SLC6A12: variants seen among roughly 807,000 people sequenced by gnomAD.
The protein encoded by SLC6A12 is solute carrier family 6 member 12, also known as sodium- and chloride-dependent betaine transporter.
In SLC6A12, 50 loss-of-function variants were observed where a neutral mutation model predicts 73.3. That is an observed-to-expected ratio of 0.68 (90% CI 0.54 to 0.86). The LOEUF is 0.86. Ranked by LOEUF, SLC6A12 falls within the 40% of genes least tolerant of loss-of-function variation. The pLI, the probability that SLC6A12 is intolerant of heterozygous loss-of-function variation, is 0.00. For missense variants in SLC6A12, 648 were observed against 772.8 expected (o/e 0.84, Z 1.92); for synonymous variants, 304 against 309.2 (o/e 0.98, Z 0.18).
At chr12:199,096 A>G (rs1591789366) in intron 7 of SLC6A12, 165 bp from the exon 8 acceptor site, 3 of 372,128 alleles carry the variant, frequency 8.1e-6, no homozygotes, top group East Asian at 7.7e-5. Flanking sequence ...TACACATTCC[A>G]GTGGGTCTGT....
Position 192,613 on chromosome 12 carries a change from G to T in SLC6A12, c.1566C>A (p.Pro522=). The change falls in exon 15 of 16, where the codon CCC becomes CCA. Residue 522 remains proline (P), a synonymous_variant. Transcript: ENST00000684302. ...TFLFSLSKYT[P]LKYNNVYVYP... Reference sequence around the variant, plus strand: ...ACACATAGACGTTGTTGTACTTGAGGGGGGTGTACTTGCTCAAGGAGAAGA... The same window carrying T: ...ACACATAGACGTTGTTGTACTTGAGTGGGGTGTACTTGCTCAAGGAGAAGA... 6.2e-7 allele frequency: 1 copy of T among 1,614,136 alleles called. No homozygotes were observed. The highest frequency in any genetic ancestry group is 8.5e-7 in the Non-Finnish European group (1 of 1,180,012).
downstream of SLC6A12, among the ~76,000 whole-genome samples, chr12:188,619 C>T (rs1403600936): frequency 1.3e-5 from 2 of 152,216 alleles, no homozygotes; most frequent in African/African-American, 4.8e-5. Flanking sequence ...GCTGTCACCT[C>T]TCAAAAGCAA....
At chr12:188,147 A>G (rs1939469568), downstream of SLC6A12, among the ~76,000 whole-genome samples, 1 of 152,124 alleles carries the variant, frequency 6.6e-6, no homozygotes. Flanking sequence ...GGTCGATGGG[A>G]CTGGGTGCCC....
intron 11 of SLC6A12, 135 bp downstream of exon 11, chr12:196,635 G>A (rs888866389): frequency 1.4e-6 from 1 of 696,480 alleles, no homozygotes; most frequent in Non-Finnish European, 2.5e-6. Context: ...CAACCCCAAG[G>A]AAAAGCCCTG....
chr12:185,813 C>T (rs1939420599), downstream of SLC6A12, among the ~76,000 whole-genome samples: 1 of 152,234 alleles, frequency 6.6e-6, no homozygotes. Context: ...GGCACTGACC[C>T]ACCTCAACCC....
intron 7 of SLC6A12, among the ~76,000 whole-genome samples, chr12:200,236 A>AG (rs1940157178): frequency 1.4e-5 from 2 of 147,268 alleles, no homozygotes; most frequent in Admixed American, 6.8e-5. Flanking sequence ...AGCCTCCTGC[A>AG]TAGCTGGGAC....
chr12:208,662 G>T (rs1940770203), intron 3 of SLC6A12, among the ~76,000 whole-genome samples: 1 of 152,138 alleles, frequency 6.6e-6, no homozygotes, highest in Non-Finnish European at 1.5e-5. Flanking sequence ...CATCGAGATG[G>T]GCAGCACATA....
downstream of SLC6A12, among the ~76,000 whole-genome samples, chr12:185,266 T>C (rs557234620): frequency 6.6e-6 from 1 of 152,342 alleles, no homozygotes; most frequent in East Asian, 1.9e-4. Flanking sequence ...CTACCCTCTG[T>C]CCTGCTCCCC....
At chr12:201,091 G>A (rs374828325) in intron 6 of SLC6A12, 3 of 284,760 alleles carry the variant, frequency 1.1e-5, no homozygotes, top group African/African-American at 6.6e-5. Flanking sequence ...GCAGGTTGAT[G>A]GGCAAGTGCA....
chr12:207,874 G>A (rs907649695), intron 3 of SLC6A12, among the ~76,000 whole-genome samples: 1 of 152,174 alleles, frequency 6.6e-6, no homozygotes, highest in Non-Finnish European at 1.5e-5. Context: ...CCAAGAGTTA[G>A]GCTGGGAAGG....
chr12:199,114 C>G (rs890804802), intron 7 of SLC6A12, 183 bp from the exon 8 acceptor site: 2 of 568,634 alleles, frequency 3.5e-6, no homozygotes, highest in African/African-American at 1.9e-5. Context: ...TGTGCTCCCC[C>G]CAGGGTGTGA....
Position 197,477 on chromosome 12 carries a change from C to T in SLC6A12, c.975G>A (p.Leu325=), listed in dbSNP as rs1365945242. ...CAGCCACAAAGCTGGTGGCACTGTT[C>T]AGGAAGCAGAGGGCGATGCAGTCCC... ...CYKDCIALCF[L]NSATSFVAGF... is the part of the protein sequence containing the mutation. Residue 325 remains leucine, a synonymous_variant, in exon 10 of 16, where the codon CTG becomes CTA. Coordinates refer to ENST00000684302, the MANE Select transcript of SLC6A12 (RefSeq NM_001122848.3). The T allele has an allele frequency of 6.2e-7, 1 of 1,613,636 alleles. No individual in the cohort carries two copies. Among genetic ancestry groups the T allele is most frequent in the African/African-American group, 1.3e-5 (1 of 74,874 alleles).
At chr12:197,823 G>T in intron 9 of SLC6A12, 77 bp downstream of exon 9, 1 of 1,066,688 alleles carries the variant, frequency 9.4e-7, no homozygotes, top group Non-Finnish European at 1.4e-6. Context: ...TGGGCCCAGA[G>T]ACTATGGGTC....
rs986615488 is a variant in SLC6A12, at chr12:203,770, G to A, written c.349+794C>T. Reference sequence around the variant, plus strand: ...GCTGTCTGGGAGAGGGGCCGGGGCGGCGCTGGGTGGAGAAGGGGCTCGCGG... The same window carrying A: ...GCTGTCTGGGAGAGGGGCCGGGGCGACGCTGGGTGGAGAAGGGGCTCGCGG... On this transcript the variant is annotated intron_variant, in intron 4 of 15. Transcript: ENST00000684302. 4 of 152,212 alleles carry A rather than the reference G, an allele frequency of 2.6e-5. No individual in the cohort carries two copies. In the East Asian group the frequency reaches 5.8e-4, roughly 22 times the overall value. 9.4% of individuals were successfully genotyped at this position (152,212 alleles called of 1,614,324 possible).
In SLC6A12 at chr12:197,392, C is replaced by G. The variant is rs764243218; in HGVS notation, c.1060G>C (p.Glu354Gln). ...TGGCACCTACCTGACTCGGCCACTT[C>G]AGAAATGGGCACCCCTTGCTCTTGG... is the stretch of plus-strand genomic sequence containing the variant. ...MSQEQGVPIS[E>Q]VAESGPGLAF... Residue 354 changes from glutamate (E) to glutamine (Q), a missense_variant, in exon 10 of 16, where the codon GAA (glutamate) becomes CAA (glutamine). Transcript: ENST00000684302. The G allele has an allele frequency of 6.2e-7, 1 of 1,613,540 alleles. No individual in the cohort carries two copies.
chr12:204,904 C>T lies in SLC6A12; in HGVS notation c.215-206G>A, dbSNP rs554210291. On this transcript the variant is annotated intron_variant, in intron 3 of 15. Transcript: ENST00000684302. ...TGGGAATGTTCTGATCTGAACCCTA[C>T]ACAGAATGAGAAAGGCCTTGGAAGG... 1.8e-5 allele frequency: 10 copies of T among 550,350 alleles called. No individual in the cohort carries two copies. The South Asian group carries it at 2.3e-4, about 13-fold the overall frequency. The allele number at this position is 550,350 out of a possible 1,614,324, so 34.1% of individuals were successfully genotyped here.
chr12:207,907 A>C (rs1940728950), intron 3 of SLC6A12, among the ~76,000 whole-genome samples: 1 of 152,156 alleles, frequency 6.6e-6, no homozygotes, highest in Non-Finnish European at 1.5e-5. Context: ...CCGATATTCC[A>C]TAATGTTACT....
chr12:197,453 A>G lies in SLC6A12; in HGVS notation c.999T>C (p.Ala333=). ...CCAGGATGGAGAAGACAACAAACCC[A>G]GCCACAAAGCTGGTGGCACTGTTCA... ...CFLNSATSFV[A]GFVVFSILGF... Residue 333 remains alanine (A), a synonymous_variant, in exon 10 of 16, where the codon GCT becomes GCC. Coordinates refer to ENST00000684302, the MANE Select transcript of SLC6A12 (RefSeq NM_001122848.3). 6.2e-7 allele frequency: 1 copy of G among 1,613,982 alleles called. No individual in the cohort carries two copies.
rs202092020 is a variant in SLC6A12 at position 197,384 on chromosome 12, G to A, written c.1068C>T (p.Ala356=). The A allele has an allele frequency of 1.3e-4, 208 of 1,612,712 alleles. 1 individual carries two copies. Among genetic ancestry groups the A allele is most frequent in the African/African-American group, 8.3e-4 (62 of 74,948 alleles). ...CAGCAAAGTGGCACCTACCTGACTC[G>A]GCCACTTCAGAAATGGGCACCCCTT... ...QEQGVPISEV[A]ESGPGLAFIA... is the part of the protein sequence containing the mutation. The change falls in exon 10 of 16, where the codon GCC becomes GCT. Residue 356 remains alanine, a synonymous_variant. Coordinates refer to ENST00000684302, the MANE Select transcript of SLC6A12 (RefSeq NM_001122848.3).
Sources: allele counts gnomAD v4.1 joint callset (sites outside exome capture counted in the v4.1 genomes callset), GRCh38; gene constraint gnomAD v4.1.1; transcripts MANE v1.5; gene names NCBI Gene and HGNC (gene_info 2026-07-23, HGNC 2026-07-21).